The following NUP155 variants were observed in gnomAD, a reference collection of about 807,000 sequenced individuals.
NUP155 encodes nucleoporin 155.
Under a neutral mutation model 180.4 loss-of-function variants are expected in NUP155, and 71 were observed. The ratio of observed to expected loss-of-function variants is 0.39; its 90% confidence interval spans 0.33 to 0.48. The LOEUF is 0.48. NUP155 is among the 20% of genes least tolerant of loss of function. The probability of loss-of-function intolerance (pLI) is 0.91; values close to 1 mark genes in which losing one functional copy is unlikely to be tolerated. For synonymous variants in NUP155, 582 were observed against 559.5 expected (o/e 1.04, Z -0.57); for missense variants, 1,553 against 1,648.9 (o/e 0.94, Z 1.01).
intron 11 of NUP155, among the ~76,000 whole-genome samples, 175 bp downstream of exon 11, chr5:37,340,915 G>A (rs1353608207): frequency 6.6e-6 from 1 of 152,186 alleles, no homozygotes. Context: ...CTCAGGTACT[G>A]AGCATAAGAC....
chr5:37,316,184 T>C (rs1038627552), intron 21 of NUP155, among the ~76,000 whole-genome samples: 1 of 152,070 alleles, frequency 6.6e-6, no homozygotes, highest in Non-Finnish European at 1.5e-5. Flanking sequence ...GATGAATGGA[T>C]AAAGGAAATG....
chr5:37,333,341 G>A (rs1382783658), intron 13 of NUP155, 122 bp downstream of exon 13: 54 of 894,524 alleles, frequency 6.0e-5, no homozygotes, highest in Non-Finnish European at 8.1e-5. Flanking sequence ...GGTGATGAGC[G>A]AGACTCCGTC....
chr5:37,333,719 A>C, intron 12 of NUP155, 86 bp from the exon 13 acceptor site: 1 of 897,906 alleles, frequency 1.1e-6, no homozygotes, highest in African/African-American at 1.7e-5. Context: ...AAAGAAGTAA[A>C]TTTAATAAAT....
chr5:37,353,260 A>T (rs10053828), intron 4 of NUP155, among the ~76,000 whole-genome samples: 9,510 of 152,072 alleles, frequency 0.063, 962 homozygotes, highest in African/African-American at 0.21. Context: ...ACATATATAT[A>T]TATACACACA....
At chr5:37,293,795 C>A (rs1034272610) in intron 33 of NUP155, among the ~76,000 whole-genome samples, 2 of 78,450 alleles carry the variant, frequency 2.5e-5, no homozygotes, top group Non-Finnish European at 4.1e-5. Context: ...GTCAGGAGAT[C>A]GAGACCATCC....
chr5:37,294,617 C>G, intron 32 of NUP155, 152 bp from the exon 33 acceptor site: 2 of 710,460 alleles, frequency 2.8e-6, no homozygotes, highest in South Asian at 3.4e-5. Flanking sequence ...CTATGTTGCC[C>G]AGACTAGAAA....
rs1561818758 is a variant in NUP155 at position 37,365,738 on chromosome 5, A to AAAAAT, written c.158-1355_158-1354insATTTT. Among the ~76,000 whole-genome samples, 20 of 37,144 alleles carry AAAAAT rather than the reference A, an allele frequency of 5.4e-4. 1 individual carries two copies. The highest frequency in any genetic ancestry group is 1.6e-3 in the Admixed American group (3 of 1,904). The allele number at this position is 37,144 out of a possible 152,430, so 24.4% of individuals were successfully genotyped here. The stretch of plus-strand genomic sequence containing the variant: ...GAAAAAAAAAAAAAAAAAAAAAAAA[A>AAAAAT]ATATATATATATATACACACACACA... On this transcript the variant is annotated intron_variant, in intron 1 of 34. Coordinates refer to ENST00000231498, the MANE Select transcript of NUP155 (RefSeq NM_153485.3).
chr5:37,337,962 T>C, intron 11 of NUP155, 44 bp from the exon 12 acceptor site: 1 of 1,136,548 alleles, frequency 8.8e-7, no homozygotes, highest in South Asian at 1.3e-5. Flanking sequence ...ATGTCAAATA[T>C]GCATCCTCAA....
intron 12 of NUP155, among the ~76,000 whole-genome samples, chr5:37,336,465 T>G (rs2150971820): frequency 6.6e-6 from 1 of 152,240 alleles, no homozygotes; most frequent in African/African-American, 2.4e-5. Flanking sequence ...AGTTAACATT[T>G]ATGGAATGGT....
intron 11 of NUP155, 114 bp downstream of exon 11, chr5:37,340,976 G>T: frequency 1.1e-6 from 1 of 887,006 alleles, no homozygotes; most frequent in Non-Finnish European, 1.8e-6. Context: ...GACCCTTCTA[G>T]TAGTTCCCAG....
chr5:37,370,841 A>T lies in NUP155; in HGVS notation c.137T>A (p.Leu46Gln). The stretch of plus-strand genomic sequence containing the variant: ...CTCACTTGGGGCAGACACCATAAGC[A>T]GCTCGGAAAGGTCCGGGTACATGCG... ...EDRMYPDLSELLMVSAPNNPT... is the reference protein window; with the variant it reads ...EDRMYPDLSEQLMVSAPNNPT... Residue 46 changes from leucine (L) to glutamine (Q), a missense_variant, in exon 1 of 35, where the codon CTG becomes CAG. Physicochemically the swap from Leu to Gln is moderately radical, Grantham distance 113. Transcript: ENST00000231498. 1.2e-6 allele frequency: 2 copies of T among 1,614,216 alleles called. No homozygotes were observed. Among genetic ancestry groups the T allele is most frequent in the Non-Finnish European group, 1.7e-6 (2 of 1,180,034 alleles).
At position 37,333,763 on chromosome 5, in the gene NUP155, T is replaced by C. The variant is rs537477823; in HGVS notation, c.1348-130A>G. 6.4e-4 allele frequency: 460 copies of C among 718,424 alleles called. 1 individual carries two copies. In the African/African-American group the frequency reaches 7.6e-3, roughly 12 times the overall value. The allele number at this position is 718,424 out of a possible 1,614,324, so 44.5% of individuals were successfully genotyped here. On this transcript the variant is annotated intron_variant, in intron 12 of 34. Coordinates refer to ENST00000231498, the MANE Select transcript of NUP155 (RefSeq NM_153485.3). Reference sequence around the variant, plus strand: ...AACATGAATATTTTTGAAAGTATTATGTAATTTTCTACTATCTTTTTTTTA... The same window carrying C: ...AACATGAATATTTTTGAAAGTATTACGTAATTTTCTACTATCTTTTTTTTA...
At chr5:37,333,967 A>G (rs916456200) in intron 12 of NUP155, among the ~76,000 whole-genome samples, 2 of 151,796 alleles carry the variant, frequency 1.3e-5, no homozygotes, top group Non-Finnish European at 2.9e-5. Flanking sequence ...ACGCCCAGCT[A>G]ATTTTTTATT....
At chr5:37,355,820 C>G (rs1170187295) in intron 4 of NUP155, among the ~76,000 whole-genome samples, 1 of 151,822 alleles carries the variant, frequency 6.6e-6, no homozygotes, top group African/African-American at 2.4e-5. Context: ...CCTCATGATC[C>G]ACCCACCTTG....
At chr5:37,329,323 A>G in intron 15 of NUP155, 45 bp from the exon 16 acceptor site, 1 of 1,474,846 alleles carries the variant, frequency 6.8e-7, no homozygotes, top group Non-Finnish European at 9.5e-7. Context: ...AAAACAAACC[A>G]TCCATCTTAA....
intron 11 of NUP155, among the ~76,000 whole-genome samples, chr5:37,339,016 C>A (rs1338197996): frequency 6.6e-6 from 1 of 151,962 alleles, no homozygotes; most frequent in Non-Finnish European, 1.5e-5. Context: ...AATTCAAACA[C>A]ACCATGAATA....
rs540148194 is a variant in NUP155 at position 37,345,592 on chromosome 5, G to A, written c.995+2913C>T. Among the ~76,000 whole-genome samples, 96 of 151,098 alleles carry A rather than the reference G, an allele frequency of 6.4e-4. 1 individual carries two copies. Among genetic ancestry groups the A allele is most frequent in the Non-Finnish European group, 1.2e-3 (82 of 67,822 alleles). On this transcript the variant is annotated intron_variant, in intron 9 of 34. Coordinates refer to ENST00000231498, the MANE Select transcript of NUP155 (RefSeq NM_153485.3). ...AAGACAGGCAACAAAGAGGCAAAAT[G>A]TTAAAATTGAGATAAAGAGTGTATT... is the stretch of plus-strand genomic sequence containing the variant.
At position 37,337,879 on chromosome 5, in the gene NUP155, T is replaced by C. The variant is rs141688173; in HGVS notation, c.1286A>G (p.Asp429Gly). Residue 429 changes from aspartate (D) to glycine (G), a missense_variant, in exon 12 of 35, where the codon GAT becomes GGT. By Grantham distance (94) the Asp-to-Gly change is moderately conservative. Transcript: ENST00000231498. ...LMAASENEDNDILWCVNHDTF... is the reference protein window; with the variant it reads ...LMAASENEDNGILWCVNHDTF... ...ATCATGGTTGACACACCATAAAATATCATTATCCTCATTTTCTGAGGCTGC... is the reference window on the plus strand; with the variant it reads ...ATCATGGTTGACACACCATAAAATACCATTATCCTCATTTTCTGAGGCTGC... The C allele has an allele frequency of 6.2e-7, 1 of 1,610,792 alleles. No individual in the cohort carries two copies. Among genetic ancestry groups the C allele is most frequent in the South Asian group, 1.1e-5 (1 of 90,134 alleles).
chr5:37,344,332 A>G (rs943089636), intron 9 of NUP155, among the ~76,000 whole-genome samples: 1 of 149,622 alleles, frequency 6.7e-6, no homozygotes, highest in East Asian at 1.9e-4. Context: ...ACAGAGCAAA[A>G]CTCTGTCTCA....
Sources: allele counts gnomAD v4.1 joint callset (sites outside exome capture counted in the v4.1 genomes callset), GRCh38; gene constraint gnomAD v4.1.1; transcripts MANE v1.5; gene names NCBI Gene and HGNC (gene_info 2026-07-23, HGNC 2026-07-21).